MALRD1: variants seen among roughly 807,000 people sequenced by gnomAD.
MALRD1 encodes the protein MAM and LDL receptor class A domain containing 1.
MALRD1 carries 247 observed loss-of-function variants against 242.1 expected under a neutral mutation model. That is an observed-to-expected ratio of 1.02 (90% confidence interval 0.92 to 1.13). The LOEUF is 1.13. Among genes scored for constraint, MALRD1 ranks in the 50% most tolerant of loss-of-function variants. MALRD1 has a pLI of 0.00. For synonymous variants in MALRD1, 995 were observed against 866.6 expected (o/e 1.15, Z -2.60); for missense variants, 2,989 against 2,533.1 (o/e 1.18, Z -3.86).
At chr10:19,306,473 G>A (rs1047228821) in intron 21 of MALRD1, among the ~76,000 whole-genome samples, 10 of 138,078 alleles carry the variant, frequency 7.2e-5, no homozygotes, top group African/African-American at 1.9e-4. Context: ...TATATGTACC[G>A]TGTATAGTAT....
intron 26 of MALRD1, among the ~76,000 whole-genome samples, chr10:19,363,372 G>T (rs987063014): frequency 6.6e-6 from 1 of 152,070 alleles, no homozygotes; most frequent in East Asian, 1.9e-4. Flanking sequence ...AAAGGAAGAC[G>T]ATCAGGTGAA....
At chr10:19,104,502 A>C (rs763713454) in intron 5 of MALRD1, among the ~76,000 whole-genome samples, 1 of 152,184 alleles carries the variant, frequency 6.6e-6, no homozygotes, top group African/African-American at 2.4e-5. Context: ...TTGACACATC[A>C]ATAAACTACA....
In MALRD1 at chr10:19,567,005, G is replaced by A. The variant is rs568961521; in HGVS notation, c.5479-497G>A. 2.6e-5 allele frequency among the ~76,000 whole-genome samples: 4 copies of A among 152,120 alleles called. No homozygotes were observed. In the East Asian group the frequency reaches 7.7e-4, roughly 29 times the overall value. ...TCACTGAACTATTAAAAAAAGTGGT[G>A]AATATCAATGTTAGTTCATCCAGGA... On this transcript the variant is annotated intron_variant, in intron 32 of 39. Transcript: ENST00000454679.
intron 22 of MALRD1, among the ~76,000 whole-genome samples, chr10:19,324,728 C>G (rs953229796): frequency 6.6e-6 from 1 of 151,252 alleles, no homozygotes; most frequent in Admixed American, 6.6e-5. Context: ...AATTCCTTAT[C>G]TTCCCTAGGT....
At chr10:19,284,402 TC>T (rs986874612) in intron 21 of MALRD1, among the ~76,000 whole-genome samples, 6 of 78,986 alleles carry the variant, frequency 7.6e-5, no homozygotes, top group Admixed American at 6.9e-4. Context: ...CCCTCCCCCC[TC>T]CCCCCACCCC....
chr10:19,096,179 A>G (rs1294917782), intron 4 of MALRD1, among the ~76,000 whole-genome samples: 1 of 152,176 alleles, frequency 6.6e-6, no homozygotes, highest in Non-Finnish European at 1.5e-5. Context: ...CTTTCAAAAT[A>G]ACGTCCTTGT....
chr10:19,202,921 A>G (rs1261929848), intron 14 of MALRD1, among the ~76,000 whole-genome samples: 1 of 152,214 alleles, frequency 6.6e-6, no homozygotes, highest in Non-Finnish European at 1.5e-5. Context: ...CCTTGGTTAC[A>G]TTAATAACTT....
chr10:19,079,516 C>G (rs138395306), intron 2 of MALRD1, among the ~76,000 whole-genome samples: 166 of 151,934 alleles, frequency 1.1e-3, no homozygotes, highest in African/African-American at 3.3e-3. Flanking sequence ...TAGAATTGCT[C>G]AAGTTTTCTA....
In MALRD1 at chr10:19,376,542, C is replaced by CATTTTTT. The variant is rs1554842468; in HGVS notation, c.4442-10986_4442-10985insATTTTTT. ...TTGAAAGTCAAGGAGTTGATACATT[C>CATTTTTT]TTTTTTTTTTTTTTTTTTTTTTTTT... On this transcript the variant is annotated intron_variant, in intron 26 of 39. Coordinates refer to ENST00000454679, the MANE Select transcript of MALRD1 (RefSeq NM_001142308.3). Among the ~76,000 whole-genome samples the CATTTTTT allele has an allele frequency of 3.3e-4, 31 of 94,990 alleles. 8 individuals carry two copies. Among genetic ancestry groups the CATTTTTT allele is most frequent in the African/African-American group, 4.0e-4 (10 of 25,270 alleles). 62.3% of individuals were successfully genotyped at this position (94,990 alleles called of 152,430 possible). A position where few individuals can be genotyped will look rare whatever the true frequency, so the allele number is the denominator to read the frequency against.
At chr10:19,536,153 CT>C (rs1287818765) in intron 32 of MALRD1, among the ~76,000 whole-genome samples, 3 of 151,968 alleles carry the variant, frequency 2.0e-5, no homozygotes, top group East Asian at 3.9e-4. Context: ...TTCTACCTTC[CT>C]AGGTAGGTTT....
chr10:19,679,538 T>C (rs1378030019), intron 36 of MALRD1, among the ~76,000 whole-genome samples: 2 of 152,242 alleles, frequency 1.3e-5, no homozygotes, highest in East Asian at 3.9e-4. Flanking sequence ...TCTATTTAAT[T>C]CTTCTCTCTT....
chr10:19,445,383 G>T (rs1143307), intron 28 of MALRD1, among the ~76,000 whole-genome samples: 1 of 152,170 alleles, frequency 6.6e-6, no homozygotes, highest in South Asian at 2.1e-4. Flanking sequence ...TGGAGGAGAA[G>T]AGACACTCTG....
intron 5 of MALRD1, among the ~76,000 whole-genome samples, chr10:19,117,977 G>A (rs1474907805): frequency 6.6e-6 from 1 of 152,114 alleles, no homozygotes; most frequent in African/African-American, 2.4e-5. Context: ...CGTTCACCAA[G>A]CTTACAATTT....
intron 26 of MALRD1, among the ~76,000 whole-genome samples, chr10:19,359,936 C>T (rs1844817762): frequency 1.3e-5 from 2 of 152,014 alleles, no homozygotes; most frequent in African/African-American, 4.8e-5. Flanking sequence ...CTTGCAAATG[C>T]CATGATAAAC....
chr10:19,662,495 T>C (rs1185376907), intron 36 of MALRD1, among the ~76,000 whole-genome samples: 1 of 152,178 alleles, frequency 6.6e-6, no homozygotes, highest in Non-Finnish European at 1.5e-5. Context: ...TCATTCTTTT[T>C]GAGGAATCCA....
At chr10:19,367,002 A>G (rs1339096000) in intron 26 of MALRD1, among the ~76,000 whole-genome samples, 1 of 152,164 alleles carries the variant, frequency 6.6e-6, no homozygotes, top group African/African-American at 2.4e-5. Flanking sequence ...TTGCCACATC[A>G]TAATTGTACT....
At chr10:19,545,531 GCCTA>G (rs147924979) in intron 32 of MALRD1, among the ~76,000 whole-genome samples, 6,443 of 152,144 alleles carry the variant, frequency 0.042, 436 homozygotes, top group African/African-American at 0.15. Flanking sequence ...TCCAGTACCT[GCCTA>G]CCTTTTAGAA....
chr10:19,332,979 A>T (rs1159359326), intron 24 of MALRD1, among the ~76,000 whole-genome samples: 1 of 152,124 alleles, frequency 6.6e-6, no homozygotes, highest in Admixed American at 6.6e-5. Flanking sequence ...ACCCATCAAC[A>T]TTAGGTGTTT....
At chr10:19,601,332 T>G (rs1389986169) in intron 34 of MALRD1, among the ~76,000 whole-genome samples, 1 of 152,122 alleles carries the variant, frequency 6.6e-6, no homozygotes, top group Non-Finnish European at 1.5e-5. Context: ...TTCTATGTTG[T>G]ACTTATATTA....
Sources: allele counts gnomAD v4.1 joint callset (sites outside exome capture counted in the v4.1 genomes callset), GRCh38; gene constraint gnomAD v4.1.1; transcripts MANE v1.5; gene names NCBI Gene and HGNC (gene_info 2026-07-23, HGNC 2026-07-21).